Variants in SLC37A1 observed in about 807,000 individuals in gnomAD.
The protein encoded by SLC37A1 is solute carrier family 37 member 1.
In SLC37A1, 49 loss-of-function variants were observed where a neutral mutation model predicts 75.3. That is an observed-to-expected ratio of 0.65 (90% CI 0.52 to 0.83). The LOEUF (loss-of-function observed/expected upper bound fraction) is 0.83, where lower values mean the gene tolerates loss of function less well. Among genes scored for constraint, SLC37A1 ranks in the 40% least tolerant of loss-of-function variants. The pLI is 0.00. For synonymous variants in SLC37A1, 268 were observed against 292.1 expected, an observed-to-expected ratio of 0.92 and a Z score of 0.84; for missense variants, 566 against 695.0, an observed-to-expected ratio of 0.81 and a Z score of 2.09.
At position 42,534,552 on chromosome 21, in the gene SLC37A1, G is replaced by A. The variant is rs189451790; in HGVS notation, c.139-146G>A. ...GTCCTGCAGACACACCGCCAGCAGC[G>A]CCTTGTGTCCCTCTTAGAATGCAGG... On this transcript the variant is annotated intron_variant, in intron 3 of 19. Coordinates refer to ENST00000352133, the MANE Select transcript of SLC37A1 (RefSeq NM_001320537.2). 4.9e-4 allele frequency: 483 copies of A among 980,606 alleles called. 3 individuals carry two copies. The East Asian group carries it at 0.011, about 23-fold the overall frequency. 60.7% of individuals were successfully genotyped at this position (980,606 alleles called of 1,614,324 possible).
chr21:42,558,921 C>T (rs2055756477), intron 10 of SLC37A1, 37 bp from the exon 11 acceptor site: 1 of 1,613,040 alleles, frequency 6.2e-7, no homozygotes, highest in East Asian at 2.2e-5. Context: ...CGGCTGGTAA[C>T]ACCTTTCCTT....
At chr21:42,566,592 A>G (rs1422967715) in intron 15 of SLC37A1, among the ~76,000 whole-genome samples, 1 of 152,144 alleles carries the variant, frequency 6.6e-6, no homozygotes, top group African/African-American at 2.4e-5. Flanking sequence ...TCAGGCCAGA[A>G]GCTTCCTCAC....
At chr21:42,537,779 T>G (rs2055177375) in intron 5 of SLC37A1, among the ~76,000 whole-genome samples, 1 of 150,816 alleles carries the variant, frequency 6.6e-6, no homozygotes, top group South Asian at 2.1e-4. Flanking sequence ...AAAACAAAAT[T>G]TGGTCTAATG....
intron 17 of SLC37A1, among the ~76,000 whole-genome samples, chr21:42,569,319 AACATC>A: frequency 6.6e-6 from 1 of 152,254 alleles, no homozygotes; most frequent in Admixed American, 6.5e-5. Flanking sequence ...GCAGGCTGGA[AACATC>A]ACAGCACGTT....
chr21:42,579,282 C>A (rs549795622), intron 18 of SLC37A1, among the ~76,000 whole-genome samples: 1 of 152,182 alleles, frequency 6.6e-6, no homozygotes, highest in Non-Finnish European at 1.5e-5. Context: ...AGGGCTGGCG[C>A]CAGAGGAAGT....
At chr21:42,527,675 C>G (rs2054833365) in intron 3 of SLC37A1, among the ~76,000 whole-genome samples, 1 of 152,166 alleles carries the variant, frequency 6.6e-6, no homozygotes, top group Non-Finnish European at 1.5e-5. Context: ...GTCAGGCTGC[C>G]TCCAGGGCCC....
At chr21:42,512,494 G>C (rs1299539451), upstream of SLC37A1, among the ~76,000 whole-genome samples, 1 of 152,238 alleles carries the variant, frequency 6.6e-6, no homozygotes, top group Non-Finnish European at 1.5e-5. Context: ...CGAACCAATG[G>C]CAAGGGCCAG....
At chr21:42,575,825 A>C in intron 18 of SLC37A1, 1 of 985,412 alleles carries the variant, frequency 1.0e-6, no homozygotes, top group Non-Finnish European at 1.2e-6. Flanking sequence ...CTCTCAACCT[A>C]TGAACTTACT....
At chr21:42,571,978 C>A (rs112597933) in intron 17 of SLC37A1, among the ~76,000 whole-genome samples, 1 of 152,078 alleles carries the variant, frequency 6.6e-6, no homozygotes, top group South Asian at 2.1e-4. Flanking sequence ...CTCTTGCCTG[C>A]GACACAGCCC....
chr21:42,579,627 A>C, intron 18 of SLC37A1, 109 bp from the exon 19 acceptor site: 2 of 884,776 alleles, frequency 2.3e-6, no homozygotes, highest in Non-Finnish European at 3.2e-6. Context: ...TGCTGTGGGG[A>C]GAGAGCCACC....
At chr21:42,546,631 C>G (rs769025169) in intron 8 of SLC37A1, among the ~76,000 whole-genome samples, 9 of 152,206 alleles carry the variant, frequency 5.9e-5, no homozygotes, top group Non-Finnish European at 1.2e-4. Flanking sequence ...TGCCATACCC[C>G]CCTTGCACAC....
intron 10 of SLC37A1, among the ~76,000 whole-genome samples, chr21:42,555,527 A>G (rs1340722124): frequency 6.6e-6 from 1 of 152,224 alleles, no homozygotes; most frequent in Non-Finnish European, 1.5e-5. Flanking sequence ...TTTTAGGGAG[A>G]CAGTAGGCAG....
intron 3 of SLC37A1, among the ~76,000 whole-genome samples, chr21:42,530,636 ACACACACACACACACACACC>A (rs1230916108): frequency 0.088 from 3,519 of 39,940 alleles, 150 homozygotes; most frequent in Admixed American, 0.21. Flanking sequence ...ACACACACAC[ACACACACACACACACACACC>A]CCCTCTGTGT....
intron 2 of SLC37A1, among the ~76,000 whole-genome samples, chr21:42,508,222 G>A (rs774023364): frequency 1.3e-5 from 2 of 148,498 alleles, no homozygotes; most frequent in African/African-American, 2.5e-5. Context: ...TCTGCCTCCC[G>A]GGTTCAAGCA....
At chr21:42,522,289 TATC>T (rs989926458) in intron 2 of SLC37A1, among the ~76,000 whole-genome samples, 48 of 152,288 alleles carry the variant, frequency 3.2e-4, no homozygotes, top group Middle Eastern at 3.4e-3. Context: ...AAAGGAAACA[TATC>T]ATCCAAAACA....
intron 16 of SLC37A1, among the ~76,000 whole-genome samples, chr21:42,567,429 C>A (rs2056009237): frequency 6.6e-6 from 1 of 152,196 alleles, no homozygotes; most frequent in South Asian, 2.1e-4. Context: ...AGGTACCATG[C>A]CCTGCCTTGG....
chr21:42,547,113 C>T lies in SLC37A1; in HGVS notation c.741C>T (p.Asp247=), dbSNP rs774474647. The T allele has an allele frequency of 1.1e-5, 18 of 1,614,076 alleles. No homozygotes were observed. In the South Asian group the frequency reaches 1.2e-4, roughly 11 times the overall value. ...CFLFLIEHPN[D]VRCSSTLVTH... is the part of the protein sequence containing the mutation. ...TGTTTGCTCTTTCAGATCCGAACGA[C>T]GTCAGGTGCTCCTCCACCCTGGTGA... Residue 247 remains aspartate, a synonymous_variant, in exon 9 of 20, where the codon GAC becomes GAT. Coordinates refer to ENST00000352133, the MANE Select transcript of SLC37A1 (RefSeq NM_001320537.2). This position sits in a 1 kb window ranked among gnomAD's most constrained non-coding sequence, Gnocchi z 6.1.
chr21:42,579,461 C>G (rs2056370974), intron 18 of SLC37A1, among the ~76,000 whole-genome samples: 1 of 44,574 alleles, frequency 2.2e-5, no homozygotes, highest in South Asian at 7.9e-4. Flanking sequence ...GGCTGCATCT[C>G]TCCCAAAAGC....
Position 42,569,044 on chromosome 21 carries a change from C to T in SLC37A1, c.1423+606C>T, listed in dbSNP as rs563920201. Among the ~76,000 whole-genome samples, 13 of 152,276 alleles carry T rather than the reference C, an allele frequency of 8.5e-5. No individual in the cohort carries two copies. The East Asian group carries it at 2.5e-3, about 29-fold the overall frequency. On this transcript the variant is annotated intron_variant, in intron 17 of 19. Coordinates refer to ENST00000352133, the MANE Select transcript of SLC37A1 (RefSeq NM_001320537.2). The stretch of plus-strand genomic sequence containing the variant: ...CAGGCGAAAATCAGGAGTTGCCACA[C>T]CTGCCAGGTGAAGATCAGGAGGGTC...
Sources: gnomAD v4.1 joint callset for allele counts (sites outside exome capture counted in the v4.1 genomes callset) on GRCh38, gnomAD v4.1.1 for gene constraint, Gnocchi (gnomAD v3.1) non-coding constraint, MANE v1.5 for transcripts, NCBI Gene and HGNC (gene_info 2026-07-23, HGNC 2026-07-21) for gene names.